Variants in PTPRD observed in about 807,000 individuals in gnomAD.
The protein encoded by PTPRD is protein tyrosine phosphatase receptor type D.
PTPRD carries 34 observed loss-of-function variants against 214.5 expected under a neutral mutation model. The observed-to-expected ratio is 0.16, with a 90% confidence interval of 0.12 to 0.21. PTPRD has a LOEUF of 0.21. Ranked by LOEUF, PTPRD falls within the 10% of genes least tolerant of loss-of-function variation. PTPRD has a pLI of 1.00. For synonymous variants in PTPRD, 1,128 were observed against 845.7 expected, an observed-to-expected ratio of 1.33 and a Z score of -5.79; for missense variants, 2,545 against 2,398.7, an observed-to-expected ratio of 1.06 and a Z score of -1.27.
At chr9:9,236,090 C>A (rs1447945772) in intron 9 of PTPRD, among the ~76,000 whole-genome samples, 1 of 151,980 alleles carries the variant, frequency 6.6e-6, no homozygotes, top group African/African-American at 2.4e-5. Flanking sequence ...ATGGTGAAAC[C>A]CTGCCTCTAC....
intron 35 of PTPRD, among the ~76,000 whole-genome samples, chr9:8,425,479 G>C (rs552172744): frequency 6.6e-6 from 1 of 152,128 alleles, no homozygotes; most frequent in South Asian, 2.1e-4. Flanking sequence ...AGAATATGTT[G>C]GGAACCCCTG....
At chr9:8,803,173 T>C (rs1308668653) in intron 11 of PTPRD, among the ~76,000 whole-genome samples, 2 of 152,206 alleles carry the variant, frequency 1.3e-5, no homozygotes, top group Non-Finnish European at 2.9e-5. Context: ...AGTCATCTTA[T>C]AGCCAATGTT....
At chr9:9,140,890 A>G (rs998622947) in intron 10 of PTPRD, among the ~76,000 whole-genome samples, 3 of 152,062 alleles carry the variant, frequency 2.0e-5, no homozygotes, top group African/African-American at 7.2e-5. Flanking sequence ...ACAGTGCTAC[A>G]TCTTTAACAA....
intron 3 of PTPRD, among the ~76,000 whole-genome samples, chr9:10,040,475 T>C (rs1255562387): frequency 6.6e-6 from 1 of 151,970 alleles, no homozygotes; most frequent in Admixed American, 6.6e-5. Context: ...CTACCCTGAG[T>C]GTGGGATGCA....
At chr9:9,771,773 G>A (rs1375787930) in intron 5 of PTPRD, among the ~76,000 whole-genome samples, 2 of 152,024 alleles carry the variant, frequency 1.3e-5, no homozygotes, top group Non-Finnish European at 2.9e-5. Context: ...CCGAATTTAA[G>A]AAATCAAATA....
At chr9:9,429,272 C>A (rs2082154834) in intron 8 of PTPRD, among the ~76,000 whole-genome samples, 1 of 152,134 alleles carries the variant, frequency 6.6e-6, no homozygotes, top group African/African-American at 2.4e-5. Flanking sequence ...AGTATAAACA[C>A]CTTTATGCAA....
At chr9:10,563,165 C>A (rs1268663297) in intron 2 of PTPRD, among the ~76,000 whole-genome samples, 1 of 152,138 alleles carries the variant, frequency 6.6e-6, no homozygotes, top group African/African-American at 2.4e-5. Flanking sequence ...TACAGCATTC[C>A]TGACTGTCAG....
chr9:9,920,395 C>T (rs79454954), intron 5 of PTPRD, among the ~76,000 whole-genome samples: 6,081 of 152,142 alleles, frequency 0.04, 156 homozygotes, highest in Non-Finnish European at 0.059. Context: ...AGCTCTCTAA[C>T]AATTCGAAGG....
intron 11 of PTPRD, among the ~76,000 whole-genome samples, chr9:9,010,443 C>T (rs950335709): frequency 6.6e-6 from 1 of 152,200 alleles, no homozygotes; most frequent in African/African-American, 2.4e-5. Context: ...CAGCTAGGCT[C>T]TCTTGCTTTG....
At chr9:10,247,104 A>C (rs1158005514) in intron 3 of PTPRD, among the ~76,000 whole-genome samples, 1 of 152,130 alleles carries the variant, frequency 6.6e-6, no homozygotes, top group Non-Finnish European at 1.5e-5. Flanking sequence ...TAGAAAATCA[A>C]ACCTTTTTAA....
chr9:8,392,692 GC>G (rs1244529387), intron 36 of PTPRD, among the ~76,000 whole-genome samples: 1 of 152,114 alleles, frequency 6.6e-6, no homozygotes, highest in Non-Finnish European at 1.5e-5. Context: ...TGGAATGAAA[GC>G]CTCCTTCTGG....
chr9:9,098,106 A>AC (rs1204885222), intron 10 of PTPRD, among the ~76,000 whole-genome samples: 1 of 152,028 alleles, frequency 6.6e-6, no homozygotes, highest in Non-Finnish European at 1.5e-5. Flanking sequence ...AATTATAAAA[A>AC]ATTAGCAAAT....
At chr9:8,772,164 G>T (rs963365241) in intron 11 of PTPRD, among the ~76,000 whole-genome samples, 3 of 151,634 alleles carry the variant, frequency 2.0e-5, no homozygotes, top group Non-Finnish European at 2.9e-5. Context: ...CAACAACACA[G>T]ATTTTGAGGC....
chr9:10,261,114 T>A (rs2093675306), intron 3 of PTPRD, among the ~76,000 whole-genome samples: 1 of 149,126 alleles, frequency 6.7e-6, no homozygotes, highest in Non-Finnish European at 1.5e-5. Flanking sequence ...GAGTCACTTT[T>A]CTGAATAAAC....
chr9:9,175,450 G>C (rs947138315), intron 10 of PTPRD, among the ~76,000 whole-genome samples: 1 of 151,488 alleles, frequency 6.6e-6, no homozygotes, highest in Non-Finnish European at 1.5e-5. Context: ...GTAAAACCCC[G>C]TCTCTACTAA....
At chr9:8,625,315 G>A (rs1423780447) in intron 14 of PTPRD, among the ~76,000 whole-genome samples, 12 of 151,652 alleles carry the variant, frequency 7.9e-5, no homozygotes, top group Non-Finnish European at 1.5e-4. Context: ...ACGTTTTTAT[G>A]AGCACATACT....
chr9:8,502,000 T>C (rs1333561460), intron 23 of PTPRD, among the ~76,000 whole-genome samples: 2 of 152,154 alleles, frequency 1.3e-5, no homozygotes, highest in African/African-American at 4.8e-5. Flanking sequence ...GGAAAAGATA[T>C]AATTTCTGTG....
chr9:8,516,798 CTTTTTTTTTTTTT>C (rs71500960), intron 21 of PTPRD, among the ~76,000 whole-genome samples: 17,866 of 108,732 alleles, frequency 0.16, 1,496 homozygotes, highest in South Asian at 0.22. Context: ...CAAGAATAAA[CTTTTTTTTTTTTT>C]TTTTTTTTTT....
intron 21 of PTPRD, among the ~76,000 whole-genome samples, chr9:8,509,079 A>G (rs1366400810): frequency 6.6e-6 from 1 of 152,026 alleles, no homozygotes; most frequent in East Asian, 1.9e-4. Flanking sequence ...TTACCTTCTG[A>G]ACAGAGTATC....
Sources: gnomAD v4.1 joint callset for allele counts (sites outside exome capture counted in the v4.1 genomes callset) on GRCh38, gnomAD v4.1.1 for gene constraint, MANE v1.5 for transcripts, NCBI Gene and HGNC (gene_info 2026-07-23, HGNC 2026-07-21) for gene names.